ZPBP: variants seen among roughly 807,000 people sequenced by gnomAD.
The protein encoded by ZPBP is zona pellucida-binding protein 1.
A neutral mutation model predicts 44.8 loss-of-function variants in ZPBP; 26 were observed. The ratio of observed to expected loss-of-function variants is 0.58; its 90% confidence interval spans 0.43 to 0.81. ZPBP has a LOEUF of 0.81. ZPBP is among the 30% of genes least tolerant of loss of function. ZPBP has a pLI of 0.00. For missense variants in ZPBP, 409 were observed against 434.0 expected, an observed-to-expected ratio of 0.94 and a Z score of 0.51; for synonymous variants, 174 against 153.2, an observed-to-expected ratio of 1.14 and a Z score of -1.00.
chr7:50,063,778 A>G (rs969306489), intron 3 of ZPBP, among the ~76,000 whole-genome samples: 9 of 152,248 alleles, frequency 5.9e-5, no homozygotes, highest in Non-Finnish European at 1.3e-4. Context: ...GCTAAGAGGT[A>G]ATCTAAAGCT....
intron 4 of ZPBP, among the ~76,000 whole-genome samples, chr7:50,048,338 A>G (rs1800492490): frequency 6.6e-6 from 1 of 152,110 alleles, no homozygotes; most frequent in Non-Finnish European, 1.5e-5. Context: ...CAACAAAGAA[A>G]TAGAAGACCT....
At chr7:50,050,657 G>T (rs1049157530) in intron 4 of ZPBP, among the ~76,000 whole-genome samples, 6 of 151,686 alleles carry the variant, frequency 4.0e-5, no homozygotes, top group Non-Finnish European at 5.9e-5. Flanking sequence ...GGAAACCTGT[G>T]CTGGGAGAAC....
chr7:50,038,834 C>A (rs1799940269), intron 4 of ZPBP, among the ~76,000 whole-genome samples: 1 of 152,128 alleles, frequency 6.6e-6, no homozygotes, highest in South Asian at 2.1e-4. Context: ...AATACAGTAT[C>A]ATGCTCTGTA....
At chr7:49,867,554 A>C (rs1042670906) in intron 2 of ZPBP, among the ~76,000 whole-genome samples, 7 of 152,220 alleles carry the variant, frequency 4.6e-5, no homozygotes, top group African/African-American at 1.7e-4. Context: ...TAAAAGACTG[A>C]ACAGGTAACT....
chr7:50,000,191 T>A (rs991775324), intron 6 of ZPBP, among the ~76,000 whole-genome samples: 2 of 152,192 alleles, frequency 1.3e-5, no homozygotes, highest in African/African-American at 4.8e-5. Context: ...CATATTTGAA[T>A]TTTAATATTC....
chr7:49,892,170 G>A (rs1583768512), intron 2 of ZPBP, among the ~76,000 whole-genome samples: 1 of 147,632 alleles, frequency 6.8e-6, no homozygotes, highest in South Asian at 2.2e-4. Flanking sequence ...TCAGCCTCCC[G>A]AGTAGCTGGG....
At chr7:50,004,518 C>A (rs749542810) in intron 6 of ZPBP, among the ~76,000 whole-genome samples, 16 of 152,096 alleles carry the variant, frequency 1.1e-4, no homozygotes, top group Non-Finnish European at 2.2e-4. Flanking sequence ...CCAATCTTCC[C>A]TAATAAACTC....
chr7:49,840,833 G>A, the ZPBP span, among the ~76,000 whole-genome samples: 1 of 152,064 alleles, frequency 6.6e-6, no homozygotes, highest in African/African-American at 2.4e-5. Flanking sequence ...CTCATAGTTT[G>A]TCCCTCTCCA....
intron 1 of ZPBP, among the ~76,000 whole-genome samples, chr7:50,090,966 C>T (rs936542723): frequency 1.3e-5 from 2 of 152,058 alleles, no homozygotes; most frequent in African/African-American, 2.4e-5. Flanking sequence ...GCATCCACAC[C>T]AACATCTATT....
the ZPBP span, among the ~76,000 whole-genome samples, chr7:49,842,282 T>G: frequency 6.6e-6 from 1 of 152,244 alleles, no homozygotes; most frequent in Non-Finnish European, 1.5e-5. Flanking sequence ...CCATAGCTCA[T>G]GAGAGATGTT....
At chr7:50,087,423 C>T (rs187685335) in intron 2 of ZPBP, among the ~76,000 whole-genome samples, 1 of 152,036 alleles carries the variant, frequency 6.6e-6, no homozygotes, top group African/African-American at 2.4e-5. Flanking sequence ...ACATTATCGT[C>T]GCCATACATG....
intron 1 of ZPBP, chr7:49,915,240 C>A (rs916001908): frequency 3.9e-5 from 6 of 152,172 alleles, no homozygotes; most frequent in Non-Finnish European, 8.8e-5. Context: ...TAGATGCACT[C>A]CAGTCCAGGC....
downstream of ZPBP, among the ~76,000 whole-genome samples, chr7:49,934,459 A>C (rs992364217): frequency 4.8e-5 from 7 of 147,332 alleles, no homozygotes; most frequent in Non-Finnish European, 9.0e-5. Context: ...AAAAAAAAAA[A>C]CTCACACATG....
chr7:50,058,113 G>A lies in ZPBP; in HGVS notation c.363C>T (p.Ser121=), dbSNP rs1344922801. 1 of 1,613,798 alleles carries A rather than the reference G, an allele frequency of 6.2e-7. No homozygotes were observed. Among genetic ancestry groups the A allele is most frequent in the East Asian group, 2.2e-5 (1 of 44,838 alleles). Residue 121 remains serine (S), a synonymous_variant, in exon 4 of 8, where the codon TCC becomes TCT. Transcript: ENST00000046087. ...SVENRTAQIT[S]TGSLVFQNFE... ...AATTTTGGAATACAAGGCTTCCTGT[G>A]GATGTTATTTGTGCAGTGCGGTTTT...
At chr7:49,911,997 G>A in intron 1 of ZPBP, 1 of 1,531,050 alleles carries the variant, frequency 6.5e-7, no homozygotes, top group South Asian at 1.3e-5. Flanking sequence ...ATATATTTAT[G>A]CACACATATA....
chr7:49,995,711 T>C (rs1375933774), intron 6 of ZPBP, among the ~76,000 whole-genome samples: 1 of 152,190 alleles, frequency 6.6e-6, no homozygotes, highest in Non-Finnish European at 1.5e-5. Context: ...TGAAATCCTG[T>C]GATTTTCAAC....
At chr7:49,889,936 A>G (rs1792061932) in intron 2 of ZPBP, among the ~76,000 whole-genome samples, 1 of 152,198 alleles carries the variant, frequency 6.6e-6, no homozygotes, top group African/African-American at 2.4e-5. Context: ...GTTTTGCAAA[A>G]GAGTCAAATA....
At chr7:50,064,640 C>T (rs188468411) in intron 3 of ZPBP, among the ~76,000 whole-genome samples, 1 of 152,318 alleles carries the variant, frequency 6.6e-6, no homozygotes. Flanking sequence ...CTCCCATTTG[C>T]TTTTGAAAGA....
chr7:50,008,748 C>G (rs1798428841), intron 6 of ZPBP, among the ~76,000 whole-genome samples: 1 of 152,084 alleles, frequency 6.6e-6, no homozygotes, highest in Non-Finnish European at 1.5e-5. Context: ...TAAAAAGCAT[C>G]TACAAACAAT....
Sources: allele counts gnomAD v4.1 joint callset (sites outside exome capture counted in the v4.1 genomes callset), GRCh38; gene constraint gnomAD v4.1.1; transcripts MANE v1.5; gene names NCBI Gene and HGNC (gene_info 2026-07-23, HGNC 2026-07-21).